The following UEVLD variants were observed in gnomAD, a reference collection of about 807,000 sequenced individuals.
UEVLD encodes ubiquitin-conjugating enzyme E2 variant 3.
Under a neutral mutation model 58.6 loss-of-function variants are expected in UEVLD, and 47 were observed. That is an observed-to-expected ratio of 0.80 (90% CI 0.63 to 1.02). UEVLD has a LOEUF of 1.02. UEVLD is among the 50% of genes least tolerant of loss of function. The pLI, the probability that UEVLD is intolerant of heterozygous loss-of-function variation, is 0.00. For missense variants in UEVLD, 510 were observed against 550.6 expected, an observed-to-expected ratio of 0.93 and a Z score of 0.74; for synonymous variants, 197 against 195.3, an observed-to-expected ratio of 1.01 and a Z score of -0.07.
intron 1 of UEVLD, among the ~76,000 whole-genome samples, chr11:18,579,234 T>A (rs999057673): frequency 7.2e-5 from 11 of 152,136 alleles, no homozygotes; most frequent in African/African-American, 2.7e-4. Flanking sequence ...AGAATGGTAT[T>A]TGATTTAATC....
intron 4 of UEVLD, 48 bp downstream of exon 4, chr11:18,570,165 AT>A: frequency 7.5e-6 from 11 of 1,472,138 alleles, no homozygotes; most frequent in East Asian, 4.7e-5. Flanking sequence ...AATGATAGGT[AT>A]TTAAAAAAAA....
chr11:18,546,155 C>A (rs142456160), intron 8 of UEVLD, among the ~76,000 whole-genome samples: 1 of 152,132 alleles, frequency 6.6e-6, no homozygotes, highest in Non-Finnish European at 1.5e-5. Context: ...TTTTTGAGTA[C>A]GACAGTTCCA....
chr11:18,537,689 G>C (rs1850869268), intron 9 of UEVLD, among the ~76,000 whole-genome samples: 1 of 151,748 alleles, frequency 6.6e-6, no homozygotes, highest in Non-Finnish European at 1.5e-5. Flanking sequence ...TTGATACACA[G>C]TCTTACTTTG....
chr11:18,583,850 G>A lies in UEVLD; in HGVS notation c.42+4763C>T, dbSNP rs561305868. Among the ~76,000 whole-genome samples, 4 of 151,606 alleles carry A rather than the reference G, an allele frequency of 2.6e-5. No homozygotes were observed. The South Asian group carries it at 6.3e-4, about 24-fold the overall frequency. ...GTAATTTTGTATTTTTGGTAGAGAC[G>A]AGGTTTCTCCATGTTGGTCAGGCTG... On this transcript the variant is annotated intron_variant, in intron 1 of 11. Transcript: ENST00000396197.
chr11:18,565,702 C>A (rs912527240), intron 5 of UEVLD, among the ~76,000 whole-genome samples: 1 of 151,780 alleles, frequency 6.6e-6, no homozygotes, highest in African/African-American at 2.4e-5. Context: ...GCCTGTAGTC[C>A]CAGCAACATG....
Position 18,544,718 on chromosome 11 carries a change from T to A in UEVLD, c.965A>T (p.Asp322Val). ...NRVIGIGCNLDSQRLQYIITN... is the reference protein window; with the variant it reads ...NRVIGIGCNLVSQRLQYIITN... ...AATAATATACTGTAATCTCTGTGAA[T>A]CCAGATTACATCCAATTCCGATCAC... is the stretch of plus-strand genomic sequence containing the variant. The change falls in exon 9 of 12, where the codon GAT (aspartate) becomes GTT (valine). Residue 322 changes from aspartate to valine, a missense_variant. By Grantham distance (152) the Asp-to-Val change is radical. Transcript: ENST00000396197. 6.3e-7 allele frequency: 1 copy of A among 1,583,416 alleles called. No individual in the cohort carries two copies. Among genetic ancestry groups the A allele is most frequent in the Non-Finnish European group, 8.5e-7 (1 of 1,169,730 alleles).
intron 7 of UEVLD, among the ~76,000 whole-genome samples, chr11:18,547,496 G>A (rs1434042237): frequency 6.6e-6 from 1 of 152,142 alleles, no homozygotes; most frequent in Admixed American, 6.6e-5. Flanking sequence ...GCACTCCAGA[G>A]TCTCGTGACA....
chr11:18,560,309 C>A (rs1309356192), intron 6 of UEVLD, among the ~76,000 whole-genome samples: 2 of 152,044 alleles, frequency 1.3e-5, no homozygotes, highest in East Asian at 3.9e-4. Flanking sequence ...GCTAACCATA[C>A]CCATAAGGAA....
intron 3 of UEVLD, among the ~76,000 whole-genome samples, chr11:18,572,598 A>C (rs1852681805): frequency 6.6e-6 from 1 of 152,208 alleles, no homozygotes; most frequent in Non-Finnish European, 1.5e-5. Flanking sequence ...AGAGGGCAGG[A>C]GTTCAAGACC....
At chr11:18,551,577 C>A (rs1432740968) in intron 7 of UEVLD, among the ~76,000 whole-genome samples, 1 of 152,134 alleles carries the variant, frequency 6.6e-6, no homozygotes, top group Non-Finnish European at 1.5e-5. Context: ...ATATATCACA[C>A]AATGTAGTAC....
chr11:18,556,215 G>A (rs896084632), intron 7 of UEVLD, among the ~76,000 whole-genome samples: 1 of 152,166 alleles, frequency 6.6e-6, no homozygotes, highest in Non-Finnish European at 1.5e-5. Flanking sequence ...ATACTGAAGA[G>A]TCTCCTAAAG....
chr11:18,564,318 CAA>C (rs1417423377), intron 6 of UEVLD, among the ~76,000 whole-genome samples: 2 of 151,988 alleles, frequency 1.3e-5, no homozygotes, highest in African/African-American at 4.8e-5. Context: ...TCTCAAATGA[CAA>C]AAGACATGCT....
At position 18,580,900 on chromosome 11, in the gene UEVLD, C is replaced by T. The variant is rs567416221; in HGVS notation, c.43-2092G>A. ...ACAGCTCGCCAGGCGCGGTGGCTCA[C>T]GCCTGTAATCCCAGCACTTTGGGAG... On this transcript the variant is annotated intron_variant, in intron 1 of 11. Coordinates refer to ENST00000396197, the MANE Select transcript of UEVLD (RefSeq NM_001040697.4). 1.2e-4 allele frequency among the ~76,000 whole-genome samples: 19 copies of T among 152,218 alleles called. No homozygotes were observed. The East Asian group carries it at 3.3e-3, about 26-fold the overall frequency.
chr11:18,578,152 G>T (rs1373394176), intron 2 of UEVLD, among the ~76,000 whole-genome samples: 1 of 152,148 alleles, frequency 6.6e-6, no homozygotes. Flanking sequence ...CTGAGATGAA[G>T]AAATTATCCT....
intron 9 of UEVLD, among the ~76,000 whole-genome samples, chr11:18,539,376 T>C (rs1850961043): frequency 6.6e-6 from 1 of 151,974 alleles, no homozygotes; most frequent in Admixed American, 6.6e-5. Flanking sequence ...CAAAAGTTTT[T>C]GTATAAGAAA....
intron 6 of UEVLD, 105 bp from the exon 7 acceptor site, chr11:18,558,435 T>C (rs1358674873): frequency 1.7e-6 from 1 of 583,870 alleles, no homozygotes; most frequent in African/African-American, 1.9e-5. Flanking sequence ...TCATACACTG[T>C]CTTTTAGTGT....
chr11:18,537,325 T>TATATA (rs34120372), intron 9 of UEVLD, among the ~76,000 whole-genome samples: 5,111 of 126,658 alleles, frequency 0.04, 136 homozygotes, highest in East Asian at 0.17. Flanking sequence ...TATATATATA[T>TATATA]TTTTTTTTTT....
intron 1 of UEVLD, among the ~76,000 whole-genome samples, chr11:18,588,088 T>C (rs1853675122): frequency 1.3e-5 from 2 of 152,078 alleles, no homozygotes; most frequent in Admixed American, 6.6e-5. Context: ...TCAAACATAG[T>C]GGCTAGAGGA....
At chr11:18,582,222 T>C (rs1853275600) in intron 1 of UEVLD, among the ~76,000 whole-genome samples, 1 of 152,284 alleles carries the variant, frequency 6.6e-6, no homozygotes, top group Non-Finnish European at 1.5e-5. Flanking sequence ...ATTGATTTAA[T>C]TGCAAAACTG....
Sources: gnomAD v4.1 joint callset for allele counts (sites outside exome capture counted in the v4.1 genomes callset) on GRCh38, gnomAD v4.1.1 for gene constraint, MANE v1.5 for transcripts, NCBI Gene and HGNC (gene_info 2026-07-23, HGNC 2026-07-21) for gene names.